The following NCKAP5 variants were observed in gnomAD, a reference collection of about 807,000 sequenced individuals.
NCKAP5 encodes nck-associated protein 5.
NCKAP5 carries 92 observed loss-of-function variants against 167.0 expected under a neutral mutation model. That is an observed-to-expected ratio of 0.55 (90% CI 0.47 to 0.66). The LOEUF (loss-of-function observed/expected upper bound fraction) is 0.66. NCKAP5 is among the 30% of genes least tolerant of loss of function. NCKAP5 has a pLI of 0.00. For synonymous variants in NCKAP5, 891 were observed against 877.4 expected, an observed-to-expected ratio of 1.02 and a Z score of -0.27; for missense variants, 2,378 against 2,315.0, an observed-to-expected ratio of 1.03 and a Z score of -0.56.
chr2:133,359,936 C>T (rs775195605), intron 3 of NCKAP5, among the ~76,000 whole-genome samples: 2 of 152,086 alleles, frequency 1.3e-5, no homozygotes, highest in Middle Eastern at 3.4e-3. Context: ...AAACTGAGGG[C>T]GAAATTGATT....
intron 9 of NCKAP5, among the ~76,000 whole-genome samples, chr2:132,870,952 A>G (rs1421076488): frequency 1.3e-5 from 2 of 152,058 alleles, no homozygotes; most frequent in African/African-American, 4.8e-5. Flanking sequence ...TATGCACAAG[A>G]AGGATTTTTT....
At chr2:133,666,722 T>C in the NCKAP5 span, among the ~76,000 whole-genome samples, 2 of 151,974 alleles carry the variant, frequency 1.3e-5, no homozygotes, top group Non-Finnish European at 2.9e-5. Context: ...TAGATGATAA[T>C]GGAATCGATT....
At chr2:133,120,232 C>T (rs1343061712) in intron 6 of NCKAP5, among the ~76,000 whole-genome samples, 1 of 152,188 alleles carries the variant, frequency 6.6e-6, no homozygotes, top group African/African-American at 2.4e-5. Context: ...CCCATAGCTT[C>T]AGCATAGCTA....
chr2:133,102,704 A>T (rs1029254550), intron 6 of NCKAP5, among the ~76,000 whole-genome samples: 1 of 150,952 alleles, frequency 6.6e-6, no homozygotes, highest in African/African-American at 2.4e-5. Context: ...TGGCATTGCT[A>T]ACTGGATCAT....
chr2:133,672,488 G>A, the NCKAP5 span, among the ~76,000 whole-genome samples: 1 of 152,196 alleles, frequency 6.6e-6, no homozygotes, highest in Non-Finnish European at 1.5e-5. Flanking sequence ...GAAACTATCA[G>A]TGCATAACGG....
chr2:132,931,518 C>T (rs1574673109), intron 8 of NCKAP5: 1 of 152,222 alleles, frequency 6.6e-6, no homozygotes, highest in Admixed American at 6.5e-5. Flanking sequence ...TTTCTTTTAT[C>T]ACTGTGTAGC....
chr2:133,532,269 T>A (rs1194626927), intron 2 of NCKAP5, among the ~76,000 whole-genome samples: 1 of 152,226 alleles, frequency 6.6e-6, no homozygotes, highest in Admixed American at 6.5e-5. Context: ...CTTACATTTT[T>A]TACCATTTTC....
chr2:133,091,696 A>G (rs2081190324), intron 6 of NCKAP5, among the ~76,000 whole-genome samples: 5 of 152,008 alleles, frequency 3.3e-5, no homozygotes, highest in Admixed American at 3.3e-4. Context: ...GACCATCCTG[A>G]CTAACACGGT....
chr2:133,534,054 G>C (rs764224144), intron 2 of NCKAP5, among the ~76,000 whole-genome samples: 1 of 152,064 alleles, frequency 6.6e-6, no homozygotes, highest in African/African-American at 2.4e-5. Flanking sequence ...ACATCTATAC[G>C]TCACATTTTG....
the NCKAP5 span, among the ~76,000 whole-genome samples, chr2:133,654,377 C>CAAAT: frequency 0.56 from 82,217 of 145,740 alleles, 23,262 homozygotes; most frequent in Middle Eastern, 0.62. Context: ...GACTCTATCT[C>CAAAT]AAATAAATAA....
intron 3 of NCKAP5, among the ~76,000 whole-genome samples, chr2:133,483,946 T>C (rs1235986768): frequency 1.3e-5 from 2 of 152,242 alleles, no homozygotes; most frequent in African/African-American, 4.8e-5. Flanking sequence ...TCTAAGCAGT[T>C]AACATTTTAG....
At chr2:133,498,383 G>A (rs1200824277) in intron 3 of NCKAP5, among the ~76,000 whole-genome samples, 1 of 151,450 alleles carries the variant, frequency 6.6e-6, no homozygotes, top group Non-Finnish European at 1.5e-5. Context: ...GTAAAAGTGG[G>A]AAAGAAAGAA....
rs746828003 is a variant in NCKAP5, at chr2:133,370,204, TC to T, written c.70-67095del. On this transcript the variant is annotated intron_variant, in intron 3 of 19. Coordinates refer to ENST00000409261, the MANE Select transcript of NCKAP5 (RefSeq NM_207363.3). ...GTAAAGGGCATTGATTTCTGATAGTTCCCTAAAGAACAAGGCTCAAGTGAAG... is the reference window on the plus strand; with the variant it reads ...GTAAAGGGCATTGATTTCTGATAGTTCCTAAAGAACAAGGCTCAAGTGAAG... Among the ~76,000 whole-genome samples, 8 of 152,128 alleles carry T rather than the reference TC, an allele frequency of 5.3e-5. No individual in the cohort carries two copies. In the East Asian group the frequency reaches 7.7e-4, roughly 15 times the overall value.
intron 4 of NCKAP5, among the ~76,000 whole-genome samples, chr2:133,225,736 C>T (rs1364825842): frequency 6.7e-6 from 1 of 148,586 alleles, no homozygotes; most frequent in Non-Finnish European, 1.5e-5. Flanking sequence ...ATGTCAGCCT[C>T]CTGAGTAACT....
intron 5 of NCKAP5, among the ~76,000 whole-genome samples, chr2:133,147,755 C>A (rs1433133456): frequency 6.6e-6 from 1 of 152,032 alleles, no homozygotes; most frequent in Admixed American, 6.6e-5. Context: ...GTATGTGAAA[C>A]CCCAAAGGAT....
intron 4 of NCKAP5, among the ~76,000 whole-genome samples, chr2:133,264,625 G>C (rs937588752): frequency 8.5e-5 from 13 of 152,182 alleles, no homozygotes; most frequent in African/African-American, 2.7e-4. Context: ...TAGGCAAAAA[G>C]AAGCTAAGTA....
At chr2:133,517,403 A>G in intron 3 of NCKAP5, 55 bp downstream of exon 3, 1 of 940,366 alleles carries the variant, frequency 1.1e-6, no homozygotes, top group Non-Finnish European at 1.5e-6. Context: ...CAGTCAAAGA[A>G]TAATGCATTC....
intron 6 of NCKAP5, among the ~76,000 whole-genome samples, chr2:133,035,496 GC>G (rs994002124): frequency 1.3e-5 from 2 of 151,990 alleles, no homozygotes; most frequent in African/African-American, 4.8e-5. Flanking sequence ...CTCAAGGACA[GC>G]CCATATGTTA....
At chr2:133,574,636 C>G in the NCKAP5 span, among the ~76,000 whole-genome samples, 2 of 141,248 alleles carry the variant, frequency 1.4e-5, no homozygotes, top group East Asian at 4.2e-4. Flanking sequence ...AGCACACACA[C>G]AAGCACATGT....
Sources: gnomAD v4.1 joint callset for allele counts (sites outside exome capture counted in the v4.1 genomes callset) on GRCh38, gnomAD v4.1.1 for gene constraint, MANE v1.5 for transcripts, NCBI Gene and HGNC (gene_info 2026-07-23, HGNC 2026-07-21) for gene names.